The following RFTN1 variants were observed in gnomAD, a reference collection of about 807,000 sequenced individuals.
The protein encoded by RFTN1 is raftlin.
In RFTN1, 26 loss-of-function variants were observed where a neutral mutation model predicts 46.5. That is an observed-to-expected ratio of 0.56 (90% CI 0.41 to 0.78). The LOEUF (loss-of-function observed/expected upper bound fraction) is 0.78, where lower values mean the gene tolerates loss of function less well. Among genes scored for constraint, RFTN1 ranks in the 30% least tolerant of loss-of-function variants. RFTN1 has a pLI of 0.00. For synonymous variants in RFTN1, 261 were observed against 284.2 expected (o/e 0.92, Z 0.82); for missense variants, 693 against 718.7 (o/e 0.96, Z 0.41).
In RFTN1 at chr3:16,459,318, T is replaced by A. The variant is rs2075967350; in HGVS notation, c.146-25281A>T. ...CAATGTGTAACAGACACCTAAACTC[T>A]TACATGAAGAGTTATGTGCCCTAGT... On this transcript the variant is annotated intron_variant, in intron 2 of 9. Transcript: ENST00000334133. The surrounding 1 kb of genome is among the most constrained non-coding windows in gnomAD (Gnocchi z 4.2). Among the ~76,000 whole-genome samples the A allele has an allele frequency of 6.6e-6, 1 of 152,220 alleles. No individual in the cohort carries two copies. The highest frequency in any genetic ancestry group is 6.5e-5 in the Admixed American group (1 of 15,276).
rs140111237 is a variant in RFTN1, at chr3:16,341,549, C to T, written c.1147-14673G>A. Among the ~76,000 whole-genome samples, 1 of 152,202 alleles carries T rather than the reference C, an allele frequency of 6.6e-6. No homozygotes were observed. Among genetic ancestry groups the T allele is most frequent in the East Asian group, 1.9e-4 (1 of 5,184 alleles). On this transcript the variant is annotated intron_variant, in intron 7 of 9. Coordinates refer to ENST00000334133, the MANE Select transcript of RFTN1 (RefSeq NM_015150.2). This position sits in a 1 kb window ranked among gnomAD's most constrained non-coding sequence, Gnocchi z 4.7. ...GAAAGAAGCCAACTGGAAAAGGCTA[C>T]ATACTGTATGGGAACTCTGTAGATT...
intron 1 of RFTN1, among the ~76,000 whole-genome samples, chr3:16,495,849 C>A (rs542100724): frequency 6.6e-6 from 1 of 152,170 alleles, no homozygotes; most frequent in Non-Finnish European, 1.5e-5. Flanking sequence ...GGATTTAAGC[C>A]CCTGCATCCC....
chr3:16,435,917 AATATATATATAT>A (rs10575645), intron 2 of RFTN1, among the ~76,000 whole-genome samples: 2 of 142,360 alleles, frequency 1.4e-5, no homozygotes, highest in African/African-American at 5.3e-5. Flanking sequence ...CAGAGATGTA[AATATATATATAT>A]ATATATATAT....
chr3:16,501,325 G>A (rs978644228), intron 1 of RFTN1, among the ~76,000 whole-genome samples: 1 of 152,040 alleles, frequency 6.6e-6, no homozygotes, highest in Non-Finnish European at 1.5e-5. Context: ...AAAAAGACTG[G>A]AAAACCACTT....
chr3:16,497,091 G>A (rs750994389), intron 1 of RFTN1, among the ~76,000 whole-genome samples: 4 of 152,190 alleles, frequency 2.6e-5, no homozygotes, highest in Non-Finnish European at 5.9e-5. Context: ...ACTGCATAGA[G>A]GATGAGGGGG....
intron 7 of RFTN1, 63 bp from the exon 8 acceptor site, chr3:16,326,939 G>A: frequency 7.8e-7 from 1 of 1,281,274 alleles, no homozygotes; most frequent in Non-Finnish European, 1.1e-6. Context: ...GGCAATGAGA[G>A]GGGACTATTC....
intron 6 of RFTN1, among the ~76,000 whole-genome samples, chr3:16,359,018 C>T (rs575988751): frequency 6.5e-5 from 8 of 123,788 alleles, no homozygotes; most frequent in South Asian, 2.6e-4. Flanking sequence ...GGTGACAGAG[C>T]GAGATTCTGT....
rs1315854144 is a variant in RFTN1 at position 16,451,531 on chromosome 3, T to G, written c.146-17494A>C. On this transcript the variant is annotated intron_variant, in intron 2 of 9. Coordinates refer to ENST00000334133, the MANE Select transcript of RFTN1 (RefSeq NM_015150.2). This position sits in a 1 kb window ranked among gnomAD's most constrained non-coding sequence, Gnocchi z 4.2. ...AATATTATATGAATACAAACTAAAA[T>G]AGAGTGGTCCCCTCTTCTCCACAGG... Among the ~76,000 whole-genome samples the G allele has an allele frequency of 6.6e-6, 1 of 152,168 alleles. No individual in the cohort carries two copies. Among genetic ancestry groups the G allele is most frequent in the Non-Finnish European group, 1.5e-5 (1 of 68,016 alleles).
intron 4 of RFTN1, among the ~76,000 whole-genome samples, chr3:16,394,633 G>A (rs1177991876): frequency 1.3e-5 from 2 of 152,106 alleles, no homozygotes; most frequent in Non-Finnish European, 2.9e-5. Flanking sequence ...TTGAGTGTTG[G>A]TTACTCAGGT....
chr3:16,336,706 G>A lies in RFTN1; in HGVS notation c.1147-9830C>T, dbSNP rs965908999. Among the ~76,000 whole-genome samples, 13 of 151,990 alleles carry A rather than the reference G, an allele frequency of 8.6e-5. 2 individuals carry two copies. Among genetic ancestry groups the A allele is most frequent in the Admixed American group, 1.3e-4 (2 of 15,280 alleles). ...AGCTTAGTTCTTAGATGCAGAAAAG[G>A]GTCAGAGGAAAATACATGTAGTGCA... On this transcript the variant is annotated intron_variant, in intron 7 of 9. Coordinates refer to ENST00000334133, the MANE Select transcript of RFTN1 (RefSeq NM_015150.2). The surrounding 1 kb of genome is among the most constrained non-coding windows in gnomAD (Gnocchi z 6.0).
rs755015047 is a variant in RFTN1 at position 16,326,889 on chromosome 3, G to C, written c.1147-13C>G. ...GCACTTCGACACCCTGGGGGAACAAGGCCAGCATTAGGGCTGCTGCTGCCA... is the reference window on the plus strand; with the variant it reads ...GCACTTCGACACCCTGGGGGAACAACGCCAGCATTAGGGCTGCTGCTGCCA... On this transcript the variant is annotated splice_polypyrimidine_tract_variant and intron_variant, in intron 7 of 9. Coordinates refer to ENST00000334133, the MANE Select transcript of RFTN1 (RefSeq NM_015150.2). 6.2e-7 allele frequency: 1 copy of C among 1,607,454 alleles called. No homozygotes were observed. The highest frequency in any genetic ancestry group is 1.1e-5 in the South Asian group (1 of 90,538).
rs950370323 is a variant in RFTN1, at chr3:16,407,075, C to T, written c.441+2300G>A. Among the ~76,000 whole-genome samples, 6 of 152,198 alleles carry T rather than the reference C, an allele frequency of 3.9e-5. No individual in the cohort carries two copies. Among genetic ancestry groups the T allele is most frequent in the African/African-American group, 1.4e-4 (6 of 41,434 alleles). ...CTACAGAAACAACACCCCAGTAGCTCGCAAATCGGGCTGTTTCCTGAAGAA... is the reference window on the plus strand; with the variant it reads ...CTACAGAAACAACACCCCAGTAGCTTGCAAATCGGGCTGTTTCCTGAAGAA... On this transcript the variant is annotated intron_variant, in intron 4 of 9. Coordinates refer to ENST00000334133, the MANE Select transcript of RFTN1 (RefSeq NM_015150.2). The surrounding 1 kb of genome is among the most constrained non-coding windows in gnomAD (Gnocchi z 4.0).
chr3:16,485,120 C>T (rs2076426306), intron 2 of RFTN1, among the ~76,000 whole-genome samples: 1 of 152,080 alleles, frequency 6.6e-6, no homozygotes, highest in African/African-American at 2.4e-5. Flanking sequence ...CTACATATTT[C>T]CCCAACAGAA....
rs200966609 is a variant in RFTN1 at position 16,327,919 on chromosome 3, GC to G, written c.1147-1044del. Among the ~76,000 whole-genome samples, 5,380 of 152,266 alleles carry G rather than the reference GC, an allele frequency of 0.035. 160 individuals carry two copies. The highest frequency in any genetic ancestry group is 0.049 in the Non-Finnish European group (3,344 of 68,020). ...GTTCCTCACTAACACTCAAAGTGTA[GC>G]CCCCACCCCTGCTCTGTGTGTAACT... On this transcript the variant is annotated intron_variant, in intron 7 of 9. Coordinates refer to ENST00000334133, the MANE Select transcript of RFTN1 (RefSeq NM_015150.2). This position sits in a 1 kb window ranked among gnomAD's most constrained non-coding sequence, Gnocchi z 4.2.
In RFTN1 at chr3:16,383,386, A is replaced by G. The variant is rs1006989668; in HGVS notation, c.442-5284T>C. The stretch of plus-strand genomic sequence containing the variant: ...TAAACATGGCTGTTTTGACTAATCC[A>G]CAACTTCACTCAGTTGCTCTATAAT... On this transcript the variant is annotated intron_variant, in intron 4 of 9. Coordinates refer to ENST00000334133, the MANE Select transcript of RFTN1 (RefSeq NM_015150.2). The surrounding 1 kb of genome is among the most constrained non-coding windows in gnomAD (Gnocchi z 4.0). Among the ~76,000 whole-genome samples, 8 of 152,218 alleles carry G rather than the reference A, an allele frequency of 5.3e-5. No individual in the cohort carries two copies. The highest frequency in any genetic ancestry group is 1.3e-4 in the Admixed American group (2 of 15,286).
intron 7 of RFTN1, among the ~76,000 whole-genome samples, chr3:16,354,585 C>G (rs2072307673): frequency 6.6e-6 from 1 of 152,214 alleles, no homozygotes; most frequent in Non-Finnish European, 1.5e-5. Context: ...TCAGGTCTTC[C>G]TTTCGTTGTC....
Position 16,336,819 on chromosome 3 carries a change from C to T in RFTN1, c.1147-9943G>A, listed in dbSNP as rs1436172403. ...CATTTTCTCTACCAGGTAAGAAAGG[C>T]AGCAAACTCAGTAGCCTTTTAGGAG... On this transcript the variant is annotated intron_variant, in intron 7 of 9. Coordinates refer to ENST00000334133, the MANE Select transcript of RFTN1 (RefSeq NM_015150.2). The surrounding 1 kb of genome is among the most constrained non-coding windows in gnomAD (Gnocchi z 6.0). Among the ~76,000 whole-genome samples, 1 of 152,104 alleles carries T rather than the reference C, an allele frequency of 6.6e-6. No homozygotes were observed. Among genetic ancestry groups the T allele is most frequent in the East Asian group, 1.9e-4 (1 of 5,206 alleles).
intron 4 of RFTN1, among the ~76,000 whole-genome samples, chr3:16,403,122 A>G (rs1313337320): frequency 2.0e-5 from 3 of 152,188 alleles, no homozygotes; most frequent in Non-Finnish European, 4.4e-5. Flanking sequence ...AGGCACTCCA[A>G]CATCTGACCC....
chr3:16,476,827 G>T (rs1251264886), intron 2 of RFTN1, among the ~76,000 whole-genome samples: 2 of 152,110 alleles, frequency 1.3e-5, no homozygotes, highest in South Asian at 4.1e-4. Flanking sequence ...CCTCACTCTG[G>T]CATGTGGTTA....
Sources: allele counts gnomAD v4.1 joint callset (sites outside exome capture counted in the v4.1 genomes callset), GRCh38; gene constraint gnomAD v4.1.1; non-coding constraint Gnocchi (gnomAD v3.1); transcripts MANE v1.5; gene names NCBI Gene and HGNC (gene_info 2026-07-23, HGNC 2026-07-21).